CDK14: variants seen among roughly 807,000 people sequenced by gnomAD.
CDK14 encodes cyclin dependent kinase 14.
In CDK14, 34 loss-of-function variants were observed where a neutral mutation model predicts 60.7. That is an observed-to-expected ratio of 0.56 (90% CI 0.43 to 0.75). CDK14 has a LOEUF of 0.75. Ranked by LOEUF, CDK14 falls within the 30% of genes least tolerant of loss-of-function variation. The pLI is 0.00. For missense variants in CDK14, 482 were observed against 564.1 expected, an observed-to-expected ratio of 0.85 and a Z score of 1.47; for synonymous variants, 197 against 203.7, an observed-to-expected ratio of 0.97 and a Z score of 0.28.
At chr7:90,817,971 C>T (rs1203526542) in intron 5 of CDK14, among the ~76,000 whole-genome samples, 3 of 152,162 alleles carry the variant, frequency 2.0e-5, no homozygotes, top group African/African-American at 7.2e-5. Flanking sequence ...AATTGATTAC[C>T]AGACAGATTC....
chr7:90,993,363 AT>A lies in CDK14; in HGVS notation c.1041+9127del, dbSNP rs1018997022. On this transcript the variant is annotated intron_variant, in intron 10 of 14. Coordinates refer to ENST00000380050, the MANE Select transcript of CDK14 (RefSeq NM_001287135.2). ...TATTCATATATTTTATAATCTAAGTATTTTTAAAATAATGAAAACCAGTATA... is the reference window on the plus strand; with the variant it reads ...TATTCATATATTTTATAATCTAAGTATTTTAAAATAATGAAAACCAGTATA... 7.5e-4 allele frequency among the ~76,000 whole-genome samples: 114 copies of A among 152,176 alleles called. 1 individual carries two copies. Among genetic ancestry groups the A allele is most frequent in the Non-Finnish European group, 1.3e-4 (9 of 68,036 alleles).
At chr7:91,114,688 A>G (rs1486301629) in intron 13 of CDK14, among the ~76,000 whole-genome samples, 1 of 152,192 alleles carries the variant, frequency 6.6e-6, no homozygotes. Context: ...CCAAGATTCT[A>G]CTAAATGCCT....
intron 6 of CDK14, among the ~76,000 whole-genome samples, chr7:90,868,019 T>A (rs1791242893): frequency 6.6e-6 from 1 of 151,816 alleles, no homozygotes; most frequent in Non-Finnish European, 1.5e-5. Flanking sequence ...CAGTCTTAGC[T>A]GCTCTGGAGG....
rs1793209787 is a variant in CDK14 at position 90,920,356 on chromosome 7, AT to A, written c.826+2634del. ...TACAAAGTATGATTGTAGTTCTCAT[AT>A]TGTAAATGATACTACTTTTATTAGA... On this transcript the variant is annotated intron_variant, in intron 8 of 14. Coordinates refer to ENST00000380050, the MANE Select transcript of CDK14 (RefSeq NM_001287135.2). 2.6e-5 allele frequency among the ~76,000 whole-genome samples: 4 copies of A among 152,234 alleles called. 1 individual carries two copies. In the South Asian group the frequency reaches 8.3e-4, roughly 32 times the overall value.
At chr7:90,878,349 A>G (rs965544114) in intron 6 of CDK14, among the ~76,000 whole-genome samples, 3 of 152,248 alleles carry the variant, frequency 2.0e-5, no homozygotes, top group Non-Finnish European at 4.4e-5. Context: ...TGGTGACTGC[A>G]AAACATGAAG....
intron 14 of CDK14, among the ~76,000 whole-genome samples, chr7:91,192,192 G>A (rs1020843394): frequency 2.6e-5 from 4 of 152,172 alleles, no homozygotes; most frequent in Non-Finnish European, 5.9e-5. Context: ...AGAATCATCA[G>A]AATGCCAAGC....
chr7:90,844,108 C>T (rs918691018), intron 5 of CDK14, among the ~76,000 whole-genome samples: 1 of 152,126 alleles, frequency 6.6e-6, no homozygotes, highest in Non-Finnish European at 1.5e-5. Context: ...AGAGCAATAA[C>T]ATGCCTTGCA....
chr7:90,879,578 T>C (rs1294475474), intron 6 of CDK14, among the ~76,000 whole-genome samples: 1 of 152,016 alleles, frequency 6.6e-6, no homozygotes, highest in Non-Finnish European at 1.5e-5. Flanking sequence ...TGTGAAGGTT[T>C]GTCAAAGATC....
At chr7:90,602,480 A>G (rs1293689826) in intron 1 of CDK14, among the ~76,000 whole-genome samples, 1 of 152,240 alleles carries the variant, frequency 6.6e-6, no homozygotes, top group Non-Finnish European at 1.5e-5. Context: ...ATGTTAATTA[A>G]AGGACACGCC....
intron 8 of CDK14, among the ~76,000 whole-genome samples, chr7:90,919,313 T>G (rs1236229896): frequency 6.6e-6 from 1 of 152,196 alleles, no homozygotes. Flanking sequence ...TAACCAAGGA[T>G]ACAATAGGAT....
intron 14 of CDK14, among the ~76,000 whole-genome samples, chr7:91,152,623 T>C (rs1800856543): frequency 6.6e-6 from 1 of 152,216 alleles, no homozygotes; most frequent in African/African-American, 2.4e-5. Flanking sequence ...ATGTGCTATG[T>C]GCTGGGGCTG....
At chr7:90,642,394 C>T (rs542022057) in intron 2 of CDK14, among the ~76,000 whole-genome samples, 1 of 152,110 alleles carries the variant, frequency 6.6e-6, no homozygotes, top group South Asian at 2.1e-4. Context: ...TCATTTTCCC[C>T]CTATATAAGT....
intron 5 of CDK14, among the ~76,000 whole-genome samples, chr7:90,853,210 C>T (rs1790707241): frequency 6.6e-6 from 1 of 152,094 alleles, no homozygotes; most frequent in Admixed American, 6.6e-5. Context: ...ACGACCTTAT[C>T]AACAGTTCAT....
At chr7:91,069,650 T>G (rs968690400) in intron 11 of CDK14, among the ~76,000 whole-genome samples, 7 of 152,190 alleles carry the variant, frequency 4.6e-5, no homozygotes, top group African/African-American at 7.2e-5. Flanking sequence ...ATAAGATCAA[T>G]ACTTTAAAAA....
intron 14 of CDK14, among the ~76,000 whole-genome samples, chr7:91,201,547 A>G (rs538304195): frequency 6.6e-6 from 1 of 152,228 alleles, no homozygotes; most frequent in East Asian, 1.9e-4. Context: ...AAAAACAACA[A>G]AACACAGTCA....
At chr7:90,682,241 G>GA (rs1372562363) in intron 2 of CDK14, among the ~76,000 whole-genome samples, 1 of 152,042 alleles carries the variant, frequency 6.6e-6, no homozygotes, top group Non-Finnish European at 1.5e-5. Flanking sequence ...ATCTTTAAGG[G>GA]AAAATGTATA....
chr7:90,659,837 T>TTCTCTCTCTCTCTCTCTCTC (rs58582287), intron 2 of CDK14, among the ~76,000 whole-genome samples: 53 of 110,436 alleles, frequency 4.8e-4, no homozygotes, highest in Admixed American at 1.6e-3. Context: ...CAGGGAATGC[T>TTCTCTCTCTCTCTCTCTCTC]TCTCTCTCTC....
At chr7:90,906,546 A>ATAGTT (rs1792712095) in intron 7 of CDK14, among the ~76,000 whole-genome samples, 1 of 147,128 alleles carries the variant, frequency 6.8e-6, no homozygotes, top group South Asian at 2.2e-4. Context: ...TTTTAGTTTC[A>ATAGTT]TCATTCTGCA....
At chr7:91,196,034 C>T (rs1008698462) in intron 14 of CDK14, among the ~76,000 whole-genome samples, 2 of 152,218 alleles carry the variant, frequency 1.3e-5, no homozygotes, top group South Asian at 2.1e-4. Context: ...TAAATTGTTA[C>T]GTACTTTTCA....
Sources: allele counts gnomAD v4.1 joint callset (sites outside exome capture counted in the v4.1 genomes callset), GRCh38; gene constraint gnomAD v4.1.1; transcripts MANE v1.5; gene names NCBI Gene and HGNC (gene_info 2026-07-23, HGNC 2026-07-21).